CLDN18: variants seen among roughly 807,000 people sequenced by gnomAD.
CLDN18 encodes claudin 18.
CLDN18 carries 20 observed loss-of-function variants against 25.0 expected under a neutral mutation model. The observed-to-expected ratio is 0.80, with a 90% CI of 0.56 to 1.16. The LOEUF (loss-of-function observed/expected upper bound fraction) is 1.16, where lower values mean the gene tolerates loss of function less well. Among genes scored for constraint, CLDN18 ranks in the 50% most tolerant of loss-of-function variants. The probability of loss-of-function intolerance (pLI) is 0.00; values close to 1 mark genes in which losing one functional copy is unlikely to be tolerated. For synonymous variants in CLDN18, 125 were observed against 135.6 expected (o/e 0.92, Z 0.54); for missense variants, 297 against 345.4 (o/e 0.86, Z 1.11).
intron 1 of CLDN18, among the ~76,000 whole-genome samples, chr3:138,018,038 A>T (rs1942228289): frequency 6.6e-6 from 1 of 152,216 alleles, no homozygotes; most frequent in Non-Finnish European, 1.5e-5. Flanking sequence ...TGGCCTAGTC[A>T]GTGGTGCAGC....
chr3:138,015,382 C>G (rs1942190999), intron 1 of CLDN18, among the ~76,000 whole-genome samples: 1 of 152,136 alleles, frequency 6.6e-6, no homozygotes, highest in Non-Finnish European at 1.5e-5. Context: ...AACGAGGAAA[C>G]TGGGGAAGAG....
chr3:138,014,156 G>A lies in CLDN18; in HGVS notation c.220+3711G>A, dbSNP rs763693188. ...TGCTAGGTACTTTTATTCCGTGTCA[G>A]GCCAGACAAAGAGCTCTTAGAGAGA... On this transcript the variant is annotated intron_variant, in intron 1 of 4. Coordinates refer to ENST00000183605, the MANE Select transcript of CLDN18 (RefSeq NM_016369.4). Among the ~76,000 whole-genome samples, 15 of 152,158 alleles carry A rather than the reference G, an allele frequency of 9.9e-5. No homozygotes were observed. The Middle Eastern group carries it at 0.01, about 104-fold the overall frequency.
chr3:138,016,308 T>A (rs1314100106), intron 1 of CLDN18, among the ~76,000 whole-genome samples: 1 of 152,160 alleles, frequency 6.6e-6, no homozygotes, highest in African/African-American at 2.4e-5. Flanking sequence ...AAGGCAGGAA[T>A]GGGCTGCCTT....
At chr3:138,019,219 C>A (rs1482212609) in intron 1 of CLDN18, among the ~76,000 whole-genome samples, 1 of 152,210 alleles carries the variant, frequency 6.6e-6, no homozygotes, top group Admixed American at 6.5e-5. Context: ...AATGACTTAC[C>A]TAATAACACT....
intron 3 of CLDN18, 53 bp downstream of exon 3, chr3:138,024,777 A>C: frequency 9.2e-7 from 1 of 1,086,894 alleles, no homozygotes; most frequent in Non-Finnish European, 1.4e-6. Context: ...TTGTTATAAG[A>C]ATCTGATTAA....
intron 1 of CLDN18, 136 bp downstream of exon 1, chr3:138,010,581 G>A (rs1942125444): frequency 8.7e-7 from 1 of 1,145,768 alleles, no homozygotes; most frequent in African/African-American, 1.5e-5. Context: ...GTGAATAAAA[G>A]GAGAAGCTGG....
chr3:138,009,899 C>T (rs1322632522), upstream of CLDN18: 1 of 327,636 alleles, frequency 3.1e-6, no homozygotes, highest in Non-Finnish European at 5.8e-6. Context: ...TGGCGGCGCT[C>T]TCCGGAGGAG....
intron 1 of CLDN18, among the ~76,000 whole-genome samples, chr3:138,001,687 A>T (rs140662447): frequency 0.023 from 3,479 of 152,274 alleles, 64 homozygotes; most frequent in South Asian, 0.041. Context: ...AAACTCTTTG[A>T]CTATTTAATA....
intron 4 of CLDN18, 33 bp from the exon 5 acceptor site, chr3:138,030,937 T>A: frequency 1.9e-6 from 3 of 1,593,648 alleles, no homozygotes; most frequent in Non-Finnish European, 2.6e-6. Flanking sequence ...AACAAAGACA[T>A]CTACAATCAT....
rs915321779 is a variant in CLDN18 at position 138,033,416 on chromosome 3, G to A, written c.*2275G>A. 15 of 152,352 alleles carry A rather than the reference G, an allele frequency of 9.8e-5. No homozygotes were observed. The highest frequency in any genetic ancestry group is 1.8e-4 in the Non-Finnish European group (12 of 68,040). The allele number at this position is 152,352 out of a possible 1,614,324, so 9.4% of individuals were successfully genotyped here. A position where few individuals can be genotyped will look rare whatever the true frequency, so the allele number is the denominator to read the frequency against. ...TGAGTTGAAGGCCACAGGGCACAAT[G>A]AGCTCTCCCTTCTACCACCAGAAAG... is the stretch of plus-strand genomic sequence containing the variant. On this transcript the variant is annotated 3_prime_UTR_variant, in exon 5 of 5. Transcript: ENST00000183605.
At chr3:138,011,486 A>G (rs559795087) in intron 1 of CLDN18, among the ~76,000 whole-genome samples, 24 of 152,304 alleles carry the variant, frequency 1.6e-4, no homozygotes, top group Non-Finnish European at 3.2e-4. Context: ...GAAGCCACTT[A>G]TTGCAGGACC....
intron 3 of CLDN18, among the ~76,000 whole-genome samples, chr3:138,025,221 G>C (rs1942312827): frequency 6.6e-6 from 1 of 152,180 alleles, no homozygotes; most frequent in Non-Finnish European, 1.5e-5. Flanking sequence ...ATCACCTGCT[G>C]TAAGCCAAGA....
At chr3:138,027,483 CA>C (rs1236888025) in intron 3 of CLDN18, among the ~76,000 whole-genome samples, 1 of 152,178 alleles carries the variant, frequency 6.6e-6, no homozygotes, top group Admixed American at 6.5e-5. Context: ...GTTTTGAAGG[CA>C]AAGTGACCTG....
Position 138,010,378 on chromosome 3 carries a change from G to A in CLDN18, c.153G>A (p.Arg51=), listed in dbSNP as rs768188619. The A allele has an allele frequency of 1.2e-6, 2 of 1,614,222 alleles. No homozygotes were observed. The highest frequency in any genetic ancestry group is 3.3e-5 in the Admixed American group (2 of 60,032). ...TGTTCCAGTACGAAGGGCTCTGGAGGAGCTGCGTGAGGCAGAGTTCAGGCT... is the reference window on the plus strand; with the variant it reads ...TGTTCCAGTACGAAGGGCTCTGGAGAAGCTGCGTGAGGCAGAGTTCAGGCT... The part of the protein sequence containing the change: ...TSVFQYEGLW[R]SCVRQSSGFT... The change falls in exon 1 of 5, where the codon AGG becomes AGA. Residue 51 remains arginine, a synonymous_variant. Transcript: ENST00000183605.
intron 3 of CLDN18, among the ~76,000 whole-genome samples, chr3:138,026,607 TGCACTCCA>T (rs1398912007): frequency 1.3e-5 from 2 of 152,022 alleles, no homozygotes; most frequent in East Asian, 3.9e-4. Context: ...ATCGCACCAC[TGCACTCCA>T]GCCTGGGTGA....
intron 1 of CLDN18, 71 bp from the exon 2 acceptor site, chr3:138,023,587 A>T (rs1308234825): frequency 2.0e-6 from 3 of 1,500,284 alleles, no homozygotes; most frequent in Non-Finnish European, 2.7e-6. Context: ...TTGTTTTATT[A>T]AACCACAGCC....
At chr3:138,021,652 G>GA (rs375955906) in intron 1 of CLDN18, among the ~76,000 whole-genome samples, 372 of 151,778 alleles carry the variant, frequency 2.5e-3, no homozygotes, top group African/African-American at 8.1e-3. Flanking sequence ...TATAACTAGG[G>GA]AAAAAAAATC....
chr3:138,011,318 G>A (rs989807555), intron 1 of CLDN18, among the ~76,000 whole-genome samples: 4 of 152,212 alleles, frequency 2.6e-5, no homozygotes, highest in Non-Finnish European at 1.5e-5. Flanking sequence ...TAAACAAGTA[G>A]ATGGAAATAA....
intron 3 of CLDN18, 58 bp from the exon 4 acceptor site, chr3:138,029,739 T>C (rs1339603730): frequency 3.8e-6 from 4 of 1,039,554 alleles, no homozygotes; most frequent in Admixed American, 2.7e-5. Context: ...CCAGGTGCAG[T>C]GGGTGGAGCC....
Sources: gnomAD v4.1 joint callset for allele counts (sites outside exome capture counted in the v4.1 genomes callset) on GRCh38, gnomAD v4.1.1 for gene constraint, MANE v1.5 for transcripts, NCBI Gene and HGNC (gene_info 2026-07-23, HGNC 2026-07-21) for gene names.